WDR11: variants seen among roughly 807,000 people sequenced by gnomAD.
The protein encoded by WDR11 is WD repeat-containing protein 11.
A neutral mutation model predicts 151.2 loss-of-function variants in WDR11; 83 were observed. The observed-to-expected ratio is 0.55, with a 90% confidence interval of 0.46 to 0.66. WDR11 has a LOEUF of 0.66. WDR11 is among the 30% of genes least tolerant of loss of function. WDR11 has a pLI of 0.00. For missense variants in WDR11, 1,301 were observed against 1,480.9 expected (o/e 0.88, Z 1.99); for synonymous variants, 484 against 533.1 (o/e 0.91, Z 1.27).
At chr10:120,878,053 A>G (rs1846861355) in intron 11 of WDR11, among the ~76,000 whole-genome samples, 1 of 152,216 alleles carries the variant, frequency 6.6e-6, no homozygotes, top group Admixed American at 6.5e-5. Context: ...AACTACTGTC[A>G]TATGACTCTC....
chr10:120,869,112 T>G (rs897821763), intron 9 of WDR11, among the ~76,000 whole-genome samples: 15 of 143,460 alleles, frequency 1.0e-4, no homozygotes, highest in East Asian at 8.7e-4. Flanking sequence ...ACAGGTTTTT[T>G]TTTTTTTTTT....
chr10:120,908,666 T>G lies in WDR11; in HGVS notation c.3628T>G (p.Leu1210Val), dbSNP rs1848163219. The G allele has an allele frequency of 1.9e-6, 3 of 1,614,194 alleles. No individual in the cohort carries two copies. Among genetic ancestry groups the G allele is most frequent in the African/African-American group, 2.7e-5 (2 of 75,058 alleles). Residue 1210 changes from leucine to valine, a missense_variant, in exon 29 of 29, where the codon TTA (leucine) becomes GTA (valine). Physicochemically the swap from Leu to Val is conservative, Grantham distance 32. Coordinates refer to ENST00000263461, the MANE Select transcript of WDR11 (RefSeq NM_018117.12). The part of the protein sequence containing the change: ...ASKAGAAGKD[L>V]LNELESPKEE... Reference sequence around the variant, plus strand: ...AAAAGCCGGAGCAGCTGGCAAAGACTTATTGAATGAGCTTGAGTCCCCCAA... The same window carrying G: ...AAAAGCCGGAGCAGCTGGCAAAGACGTATTGAATGAGCTTGAGTCCCCCAA...
Position 120,899,897 on chromosome 10 carries a change from T to C in WDR11, c.2516-132T>C, listed in dbSNP as rs567966857. On this transcript the variant is annotated intron_variant, in intron 19 of 28. Coordinates refer to ENST00000263461, the MANE Select transcript of WDR11 (RefSeq NM_018117.12). The stretch of plus-strand genomic sequence containing the variant: ...TTGTGTTTCCTAAGCGGTGACTACA[T>C]TGAATATACTCTCAGTTGTTCCAGA... 48 of 734,984 alleles carry C rather than the reference T, an allele frequency of 6.5e-5. No individual in the cohort carries two copies. The African/African-American group carries it at 7.1e-4, about 11-fold the overall frequency. The allele number at this position is 734,984 out of a possible 1,614,324, so 45.5% of individuals were successfully genotyped here.
At chr10:120,882,545 T>TTTTGTG (rs1197710644) in intron 13 of WDR11, among the ~76,000 whole-genome samples, 1 of 59,498 alleles carries the variant, frequency 1.7e-5, no homozygotes, top group Non-Finnish European at 4.1e-5. Context: ...TTCAGTTTTG[T>TTTTGTG]TTTTTTTTTT....
intron 27 of WDR11, chr10:120,906,370 G>A: frequency 8.0e-7 from 1 of 1,250,336 alleles, no homozygotes; most frequent in South Asian, 1.7e-5. Flanking sequence ...GGCATGGTGA[G>A]GTGGAGACAT....
chr10:120,867,200 A>G (rs1846345972), intron 9 of WDR11, 31 bp downstream of exon 9: 2 of 1,530,860 alleles, frequency 1.3e-6, no homozygotes, highest in Non-Finnish European at 1.8e-6. Context: ...ACTCCATGTT[A>G]AGTATTCTTT....
chr10:120,906,254 C>T (rs1019354049), intron 27 of WDR11: 36 of 1,394,300 alleles, frequency 2.6e-5, no homozygotes, highest in Admixed American at 1.8e-4. Context: ...ACTTAACAGG[C>T]ACCTAGTAAA....
In WDR11 at chr10:120,867,134, A is replaced by T. The variant is rs751425422; in HGVS notation, c.1259A>T (p.Asn420Ile). 1 of 1,613,866 alleles carries T rather than the reference A, an allele frequency of 6.2e-7. No homozygotes were observed. The highest frequency in any genetic ancestry group is 8.5e-7 in the Non-Finnish European group (1 of 1,179,878). The part of the protein sequence containing the change: ...FCGIPVGVLQ[N>I]KLPDLSLDNM... The stretch of plus-strand genomic sequence containing the variant: ...GGAATTCCTGTAGGAGTGCTACAGA[A>T]TAAACTCCCAGACCTTTCCTTAGAT... The change falls in exon 9 of 29, where the codon AAT becomes ATT. Residue 420 changes from asparagine (N) to isoleucine (I), a missense_variant. Around this residue, in one of 3 missense-constraint regions of WDR11, gnomAD observed 692 missense variants for 762.5 expected, o/e 0.91. Transcript: ENST00000263461.
chr10:120,875,733 C>G (rs371882143), intron 11 of WDR11, among the ~76,000 whole-genome samples: 3 of 151,774 alleles, frequency 2.0e-5, no homozygotes, highest in Non-Finnish European at 2.9e-5. Flanking sequence ...TTGAACTCCT[C>G]ACCTCAAGTG....
chr10:120,878,478 A>C lies in WDR11; in HGVS notation c.1663+19A>C, dbSNP rs185318998. On this transcript the variant is annotated intron_variant, in intron 12 of 28. Coordinates refer to ENST00000263461, the MANE Select transcript of WDR11 (RefSeq NM_018117.12). ...CCAACAGGTTTGTTTTTAAAGATCC[A>C]AATAGGTTTGTCATATTGAATAAAC... The C allele has an allele frequency of 1.0e-4, 163 of 1,583,674 alleles. No homozygotes were observed. In the African/African-American group the frequency reaches 2.0e-3, roughly 19 times the overall value.
intron 22 of WDR11, 85 bp downstream of exon 22, chr10:120,902,407 A>G: frequency 8.4e-7 from 1 of 1,185,908 alleles, no homozygotes; most frequent in Non-Finnish European, 1.2e-6. Context: ...AGAAACACTT[A>G]GATTTTAGAA....
At position 120,867,158 on chromosome 10, in the gene WDR11, A is replaced by G; in HGVS notation, c.1283A>G (p.Asp428Gly). The G allele has an allele frequency of 1.2e-6, 2 of 1,613,058 alleles. No homozygotes were observed. The highest frequency in any genetic ancestry group is 1.7e-6 in the Non-Finnish European group (2 of 1,179,186). ...LQNKLPDLSL[D>G]NMIGQSAIAG... ...AATAAACTCCCAGACCTTTCCTTAG[A>G]TAACATGATTGGTAAGCTTTTTTCC... The change falls in exon 9 of 29, where the codon GAT becomes GGT. Residue 428 changes from aspartate (D) to glycine (G), a missense_variant. Asp to Gly is a moderately conservative substitution (Grantham distance 94). Around this residue, in one of 3 missense-constraint regions of WDR11, gnomAD observed 692 missense variants for 762.5 expected, o/e 0.91. Transcript: ENST00000263461.
At chr10:120,867,434 A>G (rs896667541) in intron 9 of WDR11, among the ~76,000 whole-genome samples, 1 of 152,248 alleles carries the variant, frequency 6.6e-6, no homozygotes, top group Non-Finnish European at 1.5e-5. Flanking sequence ...AAGCAATGAC[A>G]TTAGGCATCT....
At chr10:120,883,002 A>G (rs1444620292) in intron 13 of WDR11, among the ~76,000 whole-genome samples, 2 of 152,112 alleles carry the variant, frequency 1.3e-5, no homozygotes, top group Non-Finnish European at 2.9e-5. Flanking sequence ...TGTTATGGTT[A>G]TATGTTTTCA....
At chr10:120,874,287 A>G (rs568145965) in intron 11 of WDR11, among the ~76,000 whole-genome samples, 9 of 147,428 alleles carry the variant, frequency 6.1e-5, no homozygotes, top group African/African-American at 1.8e-4. Context: ...GTTGCACCTC[A>G]TTTATTTCTC....
Position 120,876,837 on chromosome 10 carries a change from G to C in WDR11, c.1557-1516G>C, listed in dbSNP as rs774310037. ...TTTCCAGTCTACAGAGTAAGAAACT[G>C]AAAATTACAGAGTAATCTGTGAAGG... On this transcript the variant is annotated intron_variant, in intron 11 of 28. Transcript: ENST00000263461. Among the ~76,000 whole-genome samples, 6 of 152,304 alleles carry C rather than the reference G, an allele frequency of 3.9e-5. No individual in the cohort carries two copies. In the South Asian group the frequency reaches 6.2e-4, roughly 16 times the overall value.
intron 19 of WDR11, among the ~76,000 whole-genome samples, chr10:120,896,334 G>A (rs974171262): frequency 2.6e-5 from 4 of 152,090 alleles, no homozygotes; most frequent in African/African-American, 9.7e-5. Context: ...AGATGTAGAT[G>A]GAAAAATGGA....
intron 23 of WDR11, 59 bp downstream of exon 23, chr10:120,903,291 G>T: frequency 6.3e-7 from 1 of 1,590,832 alleles, no homozygotes. Context: ...TTATATCTTT[G>T]TCAATATCTT....
intron 1 of WDR11, 168 bp from the exon 2 acceptor site, chr10:120,852,356 C>T (rs1231886576): frequency 1.6e-6 from 1 of 624,576 alleles, no homozygotes; most frequent in Non-Finnish European, 2.8e-6. Context: ...TTAAGCTTAG[C>T]CAGATCTTTT....
Sources: allele counts gnomAD v4.1 joint callset (sites outside exome capture counted in the v4.1 genomes callset), GRCh38; gene constraint gnomAD v4.1.1; regional missense constraint gnomAD v4.1.1; transcripts MANE v1.5; gene names NCBI Gene and HGNC (gene_info 2026-07-23, HGNC 2026-07-21).